Variants in NBPF10 observed in about 807,000 individuals in gnomAD.
NBPF10 encodes NBPF family member NBPF10.
NBPF10 carries 63 observed loss-of-function variants against 77.9 expected under a neutral mutation model. That is an observed-to-expected ratio of 0.81 (90% CI 0.66 to 1.00). NBPF10 has a LOEUF of 1.00. Ranked by LOEUF, NBPF10 falls within the 50% of genes least tolerant of loss-of-function variation. The pLI is 0.00. For synonymous variants in NBPF10, 146 were observed against 264.5 expected (o/e 0.55, Z 4.35); for missense variants, 522 against 679.8 (o/e 0.77, Z 2.58).
At chr1:146,076,300 C>CAGAG (rs1263133381) in intron 77 of NBPF10, among the ~76,000 whole-genome samples, 2 of 9,238 alleles carry the variant, frequency 2.2e-4, no homozygotes, top group Non-Finnish European at 3.4e-4. Context: ...CACACACACA[C>CAGAG]ACAGAGAGAG....
intron 13 of NBPF10, among the ~76,000 whole-genome samples, chr1:146,126,727 G>T (rs1296134016): frequency 2.7e-5 from 4 of 146,048 alleles, no homozygotes; most frequent in African/African-American, 1.0e-4. Context: ...AGTGAACAGT[G>T]ATCATGAAAA....
At chr1:146,125,779 C>T (rs1227947379) in intron 14 of NBPF10, among the ~76,000 whole-genome samples, 1 of 144,900 alleles carries the variant, frequency 6.9e-6, no homozygotes, top group Non-Finnish European at 1.5e-5. Flanking sequence ...ATGGTTATGC[C>T]ATATTTTTCC....
At position 146,141,757 on chromosome 1, in the gene NBPF10, G is replaced by C. The variant is rs782586305; in HGVS notation, c.340C>G (p.Arg114Gly). ...GAGCGGGAGGCATCTCTCCCTTCCC[G>C]TAACTTCTCCCTTAGCTGGGTCAGC... Residue 114 changes from arginine (R) to glycine (G), a missense_variant, in exon 3 of 90, where the codon CGG (arginine) becomes GGG (glycine). Around this residue, in one of 9 missense-constraint regions of NBPF10, gnomAD observed 71 missense variants for 114.9 expected, o/e 0.62. Transcript: ENST00000583866. 9.7e-6 allele frequency: 13 copies of C among 1,340,068 alleles called. 3 individuals carry two copies. The highest frequency in any genetic ancestry group is 1.3e-5 in the Non-Finnish European group (13 of 970,856). The allele number at this position is 1,340,068 out of a possible 1,614,324, so 83.0% of individuals were successfully genotyped here. A position where few individuals can be genotyped will look rare whatever the true frequency, so the allele number is the denominator to read the frequency against.
intron 11 of NBPF10, among the ~76,000 whole-genome samples, chr1:146,128,769 A>G (rs1160404928): frequency 1.3e-5 from 2 of 151,228 alleles, no homozygotes; most frequent in Non-Finnish European, 2.9e-5. Flanking sequence ...CTACCAACAA[A>G]TAGGAAGAAA....
In NBPF10 at chr1:146,125,548, T is replaced by A. The variant is rs201471320; in HGVS notation, c.2027-32A>T. ...TAAGTTCAGACATGGACAGACATATTAAGCTCGTTCTCCTACACACATAAC... is the reference window on the plus strand; with the variant it reads ...TAAGTTCAGACATGGACAGACATATAAAGCTCGTTCTCCTACACACATAAC... On this transcript the variant is annotated intron_variant, in intron 14 of 89. Transcript: ENST00000583866. 4.2e-5 allele frequency: 28 copies of A among 673,788 alleles called. 1 individual carries two copies. Among genetic ancestry groups the A allele is most frequent in the Non-Finnish European group, 6.7e-5 (25 of 374,352 alleles). The allele number at this position is 673,788 out of a possible 1,614,324, so 41.7% of individuals were successfully genotyped here.
chr1:146,136,146 A>G (rs868964875), intron 7 of NBPF10, among the ~76,000 whole-genome samples: 62 of 144,162 alleles, frequency 4.3e-4, no homozygotes, highest in Middle Eastern at 3.8e-3. Flanking sequence ...TGTTTGAAAA[A>G]GAGAAAACAA....
rs1326840580 is a variant in NBPF10, at chr1:146,067,841, C to T, written c.11035+162G>A. ...CTCACTGAACCATTTCATGTCTAGG[C>T]TTCCAGCTGAGACTACAGTTTCATT... is the stretch of plus-strand genomic sequence containing the variant. On this transcript the variant is annotated intron_variant, in intron 88 of 89. Coordinates refer to ENST00000583866, the Ensembl canonical transcript of NBPF10. Among the ~76,000 whole-genome samples, 7 of 152,008 alleles carry T rather than the reference C, an allele frequency of 4.6e-5. No homozygotes were observed. In the South Asian group the frequency reaches 6.2e-4, roughly 14 times the overall value.
Position 146,142,622 on chromosome 1 carries a change from C to T in NBPF10, c.278+28G>A, listed in dbSNP as rs7364677. The T allele has an allele frequency of 2.7e-5, 33 of 1,225,070 alleles. 5 individuals are homozygous for T. Among genetic ancestry groups the T allele is most frequent in the Non-Finnish European group, 3.2e-5 (28 of 867,714 alleles). The allele number at this position is 1,225,070 out of a possible 1,614,324, so 75.9% of individuals were successfully genotyped here. The stretch of plus-strand genomic sequence containing the variant: ...CTTCAGAGATCTACACACCTACCCG[C>T]CTGCCTCCCCCTATGGGGTCCCCTC... On this transcript the variant is annotated intron_variant, in intron 2 of 89. Transcript: ENST00000583866.
intron 5 of NBPF10, among the ~76,000 whole-genome samples, chr1:146,139,366 C>T (rs1178086616): frequency 6.6e-6 from 1 of 151,988 alleles, no homozygotes; most frequent in Admixed American, 6.6e-5. Context: ...GCCTCGGCCT[C>T]CCAAAGTGCT....
chr1:146,066,939 G>A (rs587774919), intron 89 of NBPF10, among the ~76,000 whole-genome samples: 3 of 145,262 alleles, frequency 2.1e-5, no homozygotes, highest in Admixed American at 7.0e-5. Context: ...CTCAAAATTC[G>A]ATGCAGTGGC....
rs782437375 is a variant in NBPF10, at chr1:146,126,231, C to G, written c.2026+5G>C. On this transcript the variant is annotated splice_donor_5th_base_variant and intron_variant, in intron 14 of 89. Coordinates refer to ENST00000583866, the Ensembl canonical transcript of NBPF10. ...TCCTTATCACCTTCATAGAAAGGTA[C>G]TCACCATCCATGTCAATAGCCAAGC... 6.9e-6 allele frequency: 11 copies of G among 1,595,280 alleles called. No homozygotes were observed. The highest frequency in any genetic ancestry group is 4.5e-4 in the Middle Eastern group (2 of 4,426).
intron 85 of NBPF10, among the ~76,000 whole-genome samples, 166 bp from the exon 86 acceptor site, chr1:146,069,881 G>A (rs1228112352): frequency 8.5e-6 from 1 of 117,218 alleles, no homozygotes; most frequent in Non-Finnish European, 1.8e-5. Flanking sequence ...ACAGGGCCAG[G>A]TAGAAAACAA....
chr1:146,142,603 A>G (rs2102234207), intron 2 of NBPF10, 47 bp downstream of exon 2: 1 of 1,025,304 alleles, frequency 9.8e-7, no homozygotes. Context: ...TGTACTTCAG[A>G]GATCTACACA....
intron 2 of NBPF10, 108 bp from the exon 3 acceptor site, chr1:146,141,926 A>C: frequency 1.1e-6 from 1 of 943,412 alleles, no homozygotes; most frequent in East Asian, 2.8e-5. Flanking sequence ...ACCTCCAAGC[A>C]GAAGGTCAGC....
chr1:146,134,330 A>C, intron 8 of NBPF10, 65 bp from the exon 9 acceptor site: 1 of 1,377,176 alleles, frequency 7.3e-7, no homozygotes. Flanking sequence ...CAGTCAGCCC[A>C]ATGTGCAACA....
At position 146,142,732 on chromosome 1, in the gene NBPF10, G is replaced by T. The variant is rs782288946; in HGVS notation, c.196C>A (p.Leu66Ile). The T allele has an allele frequency of 7.4e-6, 10 of 1,358,988 alleles. 2 individuals are homozygous for T. Among genetic ancestry groups the T allele is most frequent in the African/African-American group, 1.4e-5 (1 of 71,996 alleles). 84.2% of individuals were successfully genotyped at this position (1,358,988 alleles called of 1,614,324 possible). Residue 66 changes from leucine to isoleucine, a missense_variant, in exon 2 of 90, where the codon CTC becomes ATC. Leu to Ile is a conservative substitution (Grantham distance 5). Transcript: ENST00000583866. ...TCATTCCTCAGCATAAATTTTATGA[G>T]GTCTTTACACTCTTCATACTCTGAA...
intron 11 of NBPF10, among the ~76,000 whole-genome samples, chr1:146,129,860 A>G (rs1217607709): frequency 1.1e-5 from 1 of 87,904 alleles, no homozygotes; most frequent in Admixed American, 1.2e-4. Flanking sequence ...TTTTTTCCAT[A>G]TGTATAGTTT....
rs782079046 is a variant in NBPF10 at position 146,141,811 on chromosome 1, T to C, written c.286A>G (p.Lys96Glu). Residue 96 changes from lysine (K) to glutamate (E), a missense_variant, in exon 3 of 90, where the codon AAA (lysine) becomes GAA (glutamate). Around this residue, in one of 9 missense-constraint regions of NBPF10, gnomAD observed 71 missense variants for 114.9 expected, o/e 0.62. Transcript: ENST00000583866. ...CGTTCCTGAGAGTGAACTAGGACTTTATATTGCCTAAGGTGAGACGGTAGA... is the reference window on the plus strand; with the variant it reads ...CGTTCCTGAGAGTGAACTAGGACTTCATATTGCCTAAGGTGAGACGGTAGA... The C allele has an allele frequency of 9.9e-5, 133 of 1,341,772 alleles. 23 individuals are homozygous for C. The highest frequency in any genetic ancestry group is 9.9e-4 in the Middle Eastern group (4 of 4,042). 83.1% of individuals were successfully genotyped at this position (1,341,772 alleles called of 1,614,324 possible).
exon 14 of NBPF10, chr1:146,126,292 C>T (rs782268336): frequency 3.2e-5 from 51 of 1,601,258 alleles, no homozygotes; most frequent in Middle Eastern, 2.2e-4. Flanking sequence ...AAAGGCACTT[C>T]TGTAGGGCTG....
Sources: allele counts gnomAD v4.1 joint callset (sites outside exome capture counted in the v4.1 genomes callset), GRCh38; gene constraint gnomAD v4.1.1; regional missense constraint gnomAD v4.1.1; transcripts MANE v1.5; gene names NCBI Gene and HGNC (gene_info 2026-07-23, HGNC 2026-07-21).